MINAR1: variants seen among roughly 807,000 people sequenced by gnomAD.
MINAR1 encodes major intrinsically disordered Notch2-binding receptor 1.
In MINAR1, 40 loss-of-function variants were observed where a neutral mutation model predicts 65.1. The ratio of observed to expected loss-of-function variants is 0.61; its 90% CI spans 0.48 to 0.80. The LOEUF (loss-of-function observed/expected upper bound fraction) is 0.80. MINAR1 is among the 30% of genes least tolerant of loss of function. The pLI is 0.00. For synonymous variants in MINAR1, 482 were observed against 449.1 expected, an observed-to-expected ratio of 1.07 and a Z score of -0.93; for missense variants, 1,128 against 1,148.0, an observed-to-expected ratio of 0.98 and a Z score of 0.25.
intron 1 of MINAR1, among the ~76,000 whole-genome samples, chr15:79,453,964 C>T (rs11630241): frequency 0.14 from 21,043 of 152,124 alleles, 1,531 homozygotes; most frequent in Non-Finnish European, 0.15. Flanking sequence ...CTTTGTCTCA[C>T]CCAAACGATA....
the MINAR1 span, chr15:79,415,829 C>T: frequency 6.6e-6 from 1 of 152,182 alleles, no homozygotes; most frequent in Non-Finnish European, 1.5e-5. Flanking sequence ...ATGCTGAGAA[C>T]ATAGAGACCT....
chr15:79,427,360 C>G (rs1355266658), upstream of MINAR1: 1 of 152,170 alleles, frequency 6.6e-6, no homozygotes, highest in African/African-American at 2.4e-5. Flanking sequence ...AACAAACCCT[C>G]ATGACACGAG....
intron 1 of MINAR1, among the ~76,000 whole-genome samples, chr15:79,447,099 G>C (rs910089712): frequency 7.2e-5 from 11 of 152,070 alleles, no homozygotes; most frequent in Admixed American, 5.2e-4. Context: ...TGTTGGCCAG[G>C]CTGGTCTTGA....
upstream of MINAR1, among the ~76,000 whole-genome samples, chr15:79,429,535 G>A (rs1894391629): frequency 6.6e-6 from 1 of 152,242 alleles, no homozygotes; most frequent in Non-Finnish European, 1.5e-5. Flanking sequence ...AGAGGAAAAT[G>A]TGGAGGCTGG....
At chr15:79,466,290 C>T (rs771494619) in intron 3 of MINAR1, among the ~76,000 whole-genome samples, 6 of 152,150 alleles carry the variant, frequency 3.9e-5, no homozygotes, top group Non-Finnish European at 5.9e-5. Flanking sequence ...TGTAGTGTCG[C>T]ATAGCATGTT....
intron 1 of MINAR1, among the ~76,000 whole-genome samples, chr15:79,440,631 C>T (rs958692032): frequency 1.3e-5 from 2 of 152,136 alleles, no homozygotes; most frequent in Admixed American, 6.5e-5. Flanking sequence ...TCTTCCGGTT[C>T]CCTCTGCCTG....
chr15:79,455,152 T>C (rs1895369250), intron 1 of MINAR1, among the ~76,000 whole-genome samples: 1 of 152,242 alleles, frequency 6.6e-6, no homozygotes, highest in South Asian at 2.1e-4. Context: ...CTTTGCTGTA[T>C]ATTTGAAAAC....
At chr15:79,429,513 A>G (rs1256183685), upstream of MINAR1, among the ~76,000 whole-genome samples, 2 of 152,374 alleles carry the variant, frequency 1.3e-5, no homozygotes, top group Admixed American at 1.3e-4. Context: ...TGAGTGGGAC[A>G]CCACTAGAAA....
upstream of MINAR1, among the ~76,000 whole-genome samples, chr15:79,431,483 G>A (rs560493580): frequency 2.7e-5 from 4 of 148,296 alleles, no homozygotes; most frequent in South Asian, 4.4e-4. Flanking sequence ...GGGTTTGGGG[G>A]TGTGTGAATG....
the MINAR1 span, chr15:79,426,540 G>A: frequency 2.0e-5 from 3 of 152,234 alleles, no homozygotes; most frequent in Non-Finnish European, 4.4e-5. Context: ...CTGCCAAACA[G>A]GCCACCACAG....
chr15:79,467,197 T>C (rs538031350), intron 3 of MINAR1, among the ~76,000 whole-genome samples: 19 of 152,332 alleles, frequency 1.2e-4, no homozygotes, highest in Admixed American at 2.6e-4. Flanking sequence ...GGTTTGTTTT[T>C]TGAGCCTGTG....
intron 1 of MINAR1, 23 bp from the exon 2 acceptor site, chr15:79,456,075 C>G (rs1250114616): frequency 6.8e-7 from 1 of 1,473,214 alleles, no homozygotes; most frequent in Non-Finnish European, 9.2e-7. Context: ...TTCCTCCTCT[C>G]TTTCTCAATA....
rs1257506513 is a variant in MINAR1, at chr15:79,471,254, AT to A, written c.*2872del. ...AGTCTAAAATTACAACGTTATCAAA[AT>A]TCACTTCGTTTTTCCTGCATTTTAA... On this transcript the variant is annotated 3_prime_UTR_variant, in exon 4 of 4. Coordinates refer to ENST00000305428, the MANE Select transcript of MINAR1 (RefSeq NM_015206.3). 6.6e-6 allele frequency: 1 copy of A among 152,366 alleles called. No homozygotes were observed. The highest frequency in any genetic ancestry group is 6.5e-5 in the Admixed American group (1 of 15,272). 9.4% of individuals were successfully genotyped at this position (152,366 alleles called of 1,614,324 possible).
At chr15:79,452,793 GTC>G (rs1455952205) in intron 1 of MINAR1, among the ~76,000 whole-genome samples, 2 of 150,348 alleles carry the variant, frequency 1.3e-5, no homozygotes, top group South Asian at 2.1e-4. Flanking sequence ...GTCTAGGTGA[GTC>G]TAAGTGTGAA....
At chr15:79,452,149 G>T (rs117296172) in intron 1 of MINAR1, among the ~76,000 whole-genome samples, 5,311 of 152,192 alleles carry the variant, frequency 0.035, 132 homozygotes, top group Middle Eastern at 0.058. Flanking sequence ...GTGCGACAGC[G>T]TATGTGTGTG....
At chr15:79,456,040 C>G in intron 1 of MINAR1, 58 bp from the exon 2 acceptor site, 1 of 1,073,788 alleles carries the variant, frequency 9.3e-7, no homozygotes, top group Non-Finnish European at 1.3e-6. Flanking sequence ...TGACTTCAAA[C>G]TCCACTGGTG....
intron 1 of MINAR1, among the ~76,000 whole-genome samples, chr15:79,454,643 G>T (rs1338599497): frequency 2.0e-5 from 3 of 152,090 alleles, no homozygotes; most frequent in African/African-American, 7.2e-5. Flanking sequence ...TGTTAATGTA[G>T]TGTTTTTGTT....
upstream of MINAR1, among the ~76,000 whole-genome samples, chr15:79,431,432 A>T (rs1469257894): frequency 1.3e-5 from 2 of 150,390 alleles, no homozygotes; most frequent in African/African-American, 4.9e-5. Context: ...TTTCTGATCC[A>T]TGTATCCAGT....
At chr15:79,414,728 G>A in the MINAR1 span, 1 of 152,274 alleles carries the variant, frequency 6.6e-6, no homozygotes, top group South Asian at 2.1e-4. Flanking sequence ...TTATTGAGAA[G>A]GTATTGTGTG....
Sources: gnomAD v4.1 joint callset for allele counts (sites outside exome capture counted in the v4.1 genomes callset) on GRCh38, gnomAD v4.1.1 for gene constraint, MANE v1.5 for transcripts, NCBI Gene and HGNC (gene_info 2026-07-23, HGNC 2026-07-21) for gene names.